Variants in DMRT1 observed in about 807,000 individuals in gnomAD.
The protein encoded by DMRT1 is doublesex and mab-3 related transcription factor 1, also known as doublesex- and mab-3-related transcription factor 1.
DMRT1 carries 7 observed loss-of-function variants against 32.3 expected under a neutral mutation model. The ratio of observed to expected loss-of-function variants is 0.22; its 90% CI spans 0.12 to 0.41. The LOEUF (loss-of-function observed/expected upper bound fraction) is 0.41. Ranked by LOEUF, DMRT1 falls within the 10% of genes least tolerant of loss-of-function variation. DMRT1 has a pLI of 1.00. For missense variants in DMRT1, 625 were observed against 500.5 expected (o/e 1.25, Z -2.37); for synonymous variants, 278 against 206.1 (o/e 1.35, Z -2.99).
chr9:905,569 G>A (rs534065866), intron 3 of DMRT1, among the ~76,000 whole-genome samples: 2 of 151,572 alleles, frequency 1.3e-5, no homozygotes, highest in South Asian at 2.1e-4. Context: ...CCTTTAAAGT[G>A]TATAATGGAA....
At chr9:879,835 G>C (rs1348554920) in intron 2 of DMRT1, among the ~76,000 whole-genome samples, 1 of 152,068 alleles carries the variant, frequency 6.6e-6, no homozygotes, top group Admixed American at 6.6e-5. Flanking sequence ...ATTATGCATT[G>C]GTCATTTGGG....
At chr9:888,531 C>A (rs1439192965) in intron 2 of DMRT1, among the ~76,000 whole-genome samples, 1 of 152,106 alleles carries the variant, frequency 6.6e-6, no homozygotes, top group Non-Finnish European at 1.5e-5. Flanking sequence ...AACTCCTGGG[C>A]TCAAGTGAAC....
chr9:861,057 T>C (rs1050355152), intron 2 of DMRT1, among the ~76,000 whole-genome samples: 7 of 150,664 alleles, frequency 4.6e-5, no homozygotes, highest in African/African-American at 1.2e-4. Flanking sequence ...TTTCTTTTTT[T>C]TTTTTTTTTT....
chr9:871,721 G>T (rs1042085538), intron 2 of DMRT1, among the ~76,000 whole-genome samples: 1 of 148,992 alleles, frequency 6.7e-6, no homozygotes, highest in East Asian at 2.0e-4. Flanking sequence ...TGATTCGCCC[G>T]CCTCGGCCTC....
At chr9:894,811 G>T (rs576150998) in intron 3 of DMRT1, 3,816 of 156,928 alleles carry the variant, frequency 0.024, 145 homozygotes, top group East Asian at 0.12. Context: ...TTGTTTGTTT[G>T]TTTGTTTTGG....
chr9:885,597 C>T (rs1383121556), intron 2 of DMRT1, among the ~76,000 whole-genome samples: 1 of 152,190 alleles, frequency 6.6e-6, no homozygotes, highest in African/African-American at 2.4e-5. Flanking sequence ...CCAATCTACT[C>T]GTCTCAATGC....
At chr9:952,181 TC>T (rs902943532) in intron 4 of DMRT1, among the ~76,000 whole-genome samples, 3 of 152,108 alleles carry the variant, frequency 2.0e-5, no homozygotes, top group African/African-American at 7.2e-5. Context: ...CACAGCCATA[TC>T]CCCTGTATCT....
chr9:844,472 A>G (rs1838815964), intron 1 of DMRT1, among the ~76,000 whole-genome samples: 1 of 140,866 alleles, frequency 7.1e-6, no homozygotes, highest in African/African-American at 3.2e-5. Flanking sequence ...GCAGGGGTTT[A>G]AAACTTGTTT....
chr9:849,931 C>T (rs1191958044), intron 2 of DMRT1, among the ~76,000 whole-genome samples: 1 of 152,176 alleles, frequency 6.6e-6, no homozygotes, highest in Admixed American at 6.5e-5. Flanking sequence ...TCAAGCGATA[C>T]TCCTGCCTCA....
intron 3 of DMRT1, among the ~76,000 whole-genome samples, chr9:916,093 A>G (rs1333891698): frequency 6.6e-6 from 1 of 152,186 alleles, no homozygotes; most frequent in Non-Finnish European, 1.5e-5. Context: ...ATAAAATTCC[A>G]GTTTTGCACA....
intron 3 of DMRT1, among the ~76,000 whole-genome samples, chr9:915,512 G>A (rs190873142): frequency 6.6e-6 from 1 of 152,136 alleles, no homozygotes; most frequent in Non-Finnish European, 1.5e-5. Context: ...CACTGGAGGG[G>A]CGCTTGTGCC....
chr9:958,631 C>T (rs557434057), intron 4 of DMRT1, among the ~76,000 whole-genome samples: 1 of 152,190 alleles, frequency 6.6e-6, no homozygotes, highest in South Asian at 2.1e-4. Context: ...CCTCCTAACT[C>T]TCCGGGGGTT....
intron 2 of DMRT1, among the ~76,000 whole-genome samples, chr9:870,119 C>T (rs963607167): frequency 6.6e-6 from 1 of 152,146 alleles, no homozygotes; most frequent in African/African-American, 2.4e-5. Flanking sequence ...AATAGCTTGC[C>T]GGGCGCGGTG....
Position 902,210 on chromosome 9 carries a change from C to G in DMRT1, c.822+8015C>G, listed in dbSNP as rs754176298. Among the ~76,000 whole-genome samples, 93 of 149,500 alleles carry G rather than the reference C, an allele frequency of 6.2e-4. 1 individual carries two copies. The highest frequency in any genetic ancestry group is 9.5e-4 in the Non-Finnish European group (64 of 67,336). ...CAGGCGTGAGCCACCGCGCCAGCCA[C>G]TTTTCAACTTTTTAAAACATAAAGT... is the stretch of plus-strand genomic sequence containing the variant. On this transcript the variant is annotated intron_variant, in intron 3 of 4. Coordinates refer to ENST00000382276, the MANE Select transcript of DMRT1 (RefSeq NM_021951.3).
chr9:888,561 A>G (rs559143971), intron 2 of DMRT1, among the ~76,000 whole-genome samples: 12 of 152,232 alleles, frequency 7.9e-5, no homozygotes, highest in Non-Finnish European at 1.8e-4. Context: ...CGGCCTCCCA[A>G]AGTGCTGGGA....
At position 893,918 on chromosome 9, in the gene DMRT1, G is replaced by A. The variant is rs747137694; in HGVS notation, c.545G>A (p.Arg182His). The change falls in exon 3 of 5, where the codon CGT becomes CAT. Residue 182 changes from arginine (R) to histidine (H), a missense_variant. Arg to His is a conservative substitution (Grantham distance 29, BLOSUM62 0). Around this residue, in one of 3 missense-constraint regions of DMRT1, gnomAD observed 416 missense variants for 321.6 expected, o/e 1.29. Transcript: ENST00000382276. ...CTTTTTTCTTCCAATTTAGAGGGAC[G>A]TATGGTCATCCAGGATATTCCTGCT... ...SVPTTAASEG[R>H]MVIQDIPAVT... The A allele has an allele frequency of 2.5e-6, 4 of 1,613,856 alleles. No individual in the cohort carries two copies. Among genetic ancestry groups the A allele is most frequent in the East Asian group, 2.2e-5 (1 of 44,876 alleles).
chr9:893,115 C>T (rs1037708801), intron 2 of DMRT1, among the ~76,000 whole-genome samples: 7 of 152,104 alleles, frequency 4.6e-5, no homozygotes, highest in African/African-American at 7.2e-5. Flanking sequence ...TATCCTAGAC[C>T]GTAGACTCCC....
chr9:904,099 C>G (rs1817684969), intron 3 of DMRT1, among the ~76,000 whole-genome samples: 1 of 152,186 alleles, frequency 6.6e-6, no homozygotes, highest in African/African-American at 2.4e-5. Flanking sequence ...GTTACATTAC[C>G]TATTATCTGA....
intron 3 of DMRT1, among the ~76,000 whole-genome samples, chr9:909,144 A>G (rs886924299): frequency 6.6e-6 from 1 of 152,060 alleles, no homozygotes; most frequent in Non-Finnish European, 1.5e-5. Context: ...GCAGGAGAGG[A>G]AGGGAGCAAA....
Sources: gnomAD v4.1 joint callset for allele counts (sites outside exome capture counted in the v4.1 genomes callset) on GRCh38, gnomAD v4.1.1 for gene constraint, gnomAD v4.1.1 regional missense constraint, MANE v1.5 for transcripts, NCBI Gene and HGNC (gene_info 2026-07-23, HGNC 2026-07-21) for gene names.